CDT1: variants seen among roughly 807,000 people sequenced by gnomAD.
CDT1 encodes DNA replication factor Cdt1.
Under a neutral mutation model 49.3 loss-of-function variants are expected in CDT1, and 66 were observed. The ratio of observed to expected loss-of-function variants is 1.34; its 90% confidence interval spans 1.10 to 1.64. CDT1 has a LOEUF of 1.64. Among genes scored for constraint, CDT1 ranks in the 40% most tolerant of loss-of-function variants. The pLI is 0.00. For missense variants in CDT1, 958 were observed against 807.7 expected, an observed-to-expected ratio of 1.19 and a Z score of -2.26; for synonymous variants, 424 against 347.4, an observed-to-expected ratio of 1.22 and a Z score of -2.45.
Position 88,805,546 on chromosome 16 carries a change from A to G in CDT1, c.595A>G (p.Ser199Gly). Residue 199 changes from serine to glycine, a missense_variant, in exon 4 of 10, where the codon AGC becomes GGC. Coordinates refer to ENST00000301019, the MANE Select transcript of CDT1 (RefSeq NM_030928.4). The stretch of plus-strand genomic sequence containing the variant: ...CCAGGTGCTGGCGGAGATGTTCCGC[A>G]GCATGGACACCATCGTGGGCATGCT... ...KYQVLAEMFR[S>G]MDTIVGMLHN... is the part of the protein sequence containing the mutation. 6.2e-7 allele frequency: 1 copy of G among 1,612,904 alleles called. No individual in the cohort carries two copies. Among genetic ancestry groups the G allele is most frequent in the Non-Finnish European group, 8.5e-7 (1 of 1,179,958 alleles).
Position 88,808,286 on chromosome 16 carries a change from G to T in CDT1, c.*8G>T. ...GCTGAGGAGGGGCTGTGAGCCTGGG[G>T]GCCACTGTGGACAGACGTGGGCTTC... is the stretch of plus-strand genomic sequence containing the variant. On this transcript the variant is annotated 3_prime_UTR_variant, in exon 10 of 10. Transcript: ENST00000301019. 1 of 1,577,810 alleles carries T rather than the reference G, an allele frequency of 6.3e-7. No homozygotes were observed. The highest frequency in any genetic ancestry group is 8.6e-7 in the Non-Finnish European group (1 of 1,162,168).
rs200506462 is a variant in CDT1, at chr16:88,805,714, C to A, written c.687-10C>A. 1.2e-6 allele frequency: 2 copies of A among 1,612,862 alleles called. No individual in the cohort carries two copies. The highest frequency in any genetic ancestry group is 1.3e-5 in the African/African-American group (1 of 75,046). Reference sequence around the variant, plus strand: ...GGCCTGCCTCCTGAGCCGCCCCCATCCTCCCATAGGCGTTTTGAGGAGTGC... The same window carrying A: ...GGCCTGCCTCCTGAGCCGCCCCCATACTCCCATAGGCGTTTTGAGGAGTGC... On this transcript the variant is annotated splice_polypyrimidine_tract_variant and intron_variant, in intron 4 of 9. Coordinates refer to ENST00000301019, the MANE Select transcript of CDT1 (RefSeq NM_030928.4).
chr16:88,804,487 G>A (rs1441115607), intron 1 of CDT1, 58 bp from the exon 2 acceptor site: 32 of 1,588,822 alleles, frequency 2.0e-5, no homozygotes, highest in East Asian at 4.5e-5. Flanking sequence ...GGGGTCCTCT[G>A]CAGAGCCAGG....
At position 88,805,054 on chromosome 16, in the gene CDT1, C is replaced by G. The variant is rs149731379; in HGVS notation, c.488+156C>G. Among the ~76,000 whole-genome samples the G allele has an allele frequency of 4.3e-4, 65 of 152,366 alleles. 1 individual carries two copies. The East Asian group carries it at 9.1e-3, about 21-fold the overall frequency. On this transcript the variant is annotated intron_variant, in intron 3 of 9. Coordinates refer to ENST00000301019, the MANE Select transcript of CDT1 (RefSeq NM_030928.4). ...GACCCAGACCCCTGAGAAAAAGGTCCCGGGCACTGCTGGCGCTGTGCCCTC... is the reference window on the plus strand; with the variant it reads ...GACCCAGACCCCTGAGAAAAAGGTCGCGGGCACTGCTGGCGCTGTGCCCTC...
At position 88,804,511 on chromosome 16, in the gene CDT1, G is replaced by C. The variant is rs1005751693; in HGVS notation, c.229-34G>C. On this transcript the variant is annotated intron_variant, in intron 1 of 9. Transcript: ENST00000301019. ...TGCAGAGCCAGGAGCACCAGGTCTT[G>C]TCATGAGTTCACCCTTGGGGTCCCT... 4 of 1,606,382 alleles carry C rather than the reference G, an allele frequency of 2.5e-6. No homozygotes were observed. The African/African-American group carries it at 4.0e-5, about 16-fold the overall frequency.
At chr16:88,807,634 C>CAGAGCGCCCAG in intron 9 of CDT1, 152 bp downstream of exon 9, 2 of 815,674 alleles carry the variant, frequency 2.5e-6, no homozygotes, top group Non-Finnish European at 3.9e-6. Context: ...GTGTCCTGGG[C>CAGAGCGCCCAG]GCTCTGCCCT....
In CDT1 at chr16:88,807,006, C is replaced by A. The variant is rs74035836; in HGVS notation, c.1123-45C>A. On this transcript the variant is annotated intron_variant, in intron 7 of 9. Transcript: ENST00000301019. ...ACTCCTGGGCAGACAGCCAGGGGCACGTTGCATCTTGTGACCTCTCCAGTC... is the reference window on the plus strand; with the variant it reads ...ACTCCTGGGCAGACAGCCAGGGGCAAGTTGCATCTTGTGACCTCTCCAGTC... The A allele has an allele frequency of 7.8e-3, 12,499 of 1,611,466 alleles. 610 individuals are homozygous for A. The African/African-American group carries it at 0.12, about 16-fold the overall frequency.
At chr16:88,807,026 C>G in intron 7 of CDT1, 25 bp from the exon 8 acceptor site, 2 of 1,612,750 alleles carry the variant, frequency 1.2e-6, no homozygotes, top group Non-Finnish European at 1.7e-6. Context: ...TGTGACCTCT[C>G]CAGTCCAACC....
Position 88,804,822 on chromosome 16 carries a change from C to T in CDT1, c.412C>T (p.Arg138Trp), listed in dbSNP as rs149361322. ...QRARELGARV[R>W]ALKASAQDAG... The stretch of plus-strand genomic sequence containing the variant: ...GGCCCGGGAGCTGGGGGCAAGAGTC[C>T]GGGCGCTGAAGGCCAGTGCCCAGGA... Residue 138 changes from arginine (R) to tryptophan (W), a missense_variant, in exon 3 of 10, where the codon CGG (arginine) becomes TGG (tryptophan). By Grantham distance (101) the Arg-to-Trp change is moderately radical. Transcript: ENST00000301019. 425 of 1,612,344 alleles carry T rather than the reference C, an allele frequency of 2.6e-4. 1 individual carries two copies. The highest frequency in any genetic ancestry group is 9.9e-4 in the Middle Eastern group (6 of 6,084).
rs1908971791 is a variant in CDT1 at position 88,808,741 on chromosome 16, A to C, written c.*463A>C. 5.5e-6 allele frequency: 1 copy of C among 183,064 alleles called. No homozygotes were observed. The highest frequency in any genetic ancestry group is 1.2e-5 in the Non-Finnish European group (1 of 86,054). The allele number at this position is 183,064 out of a possible 1,614,324, so 11.3% of individuals were successfully genotyped here. A position where few individuals can be genotyped will look rare whatever the true frequency, so the allele number is the denominator to read the frequency against. On this transcript the variant is annotated 3_prime_UTR_variant, in exon 10 of 10. Coordinates refer to ENST00000301019, the MANE Select transcript of CDT1 (RefSeq NM_030928.4). ...GGTGGGTGTGGTGGCTCACGCCTGT[A>C]ACCCCAGCACTTTGGGAGGCCAAGG... is the stretch of plus-strand genomic sequence containing the variant.
intron 1 of CDT1, among the ~76,000 whole-genome samples, 154 bp from the exon 2 acceptor site, chr16:88,804,391 C>T (rs1908763848): frequency 6.6e-6 from 1 of 152,124 alleles, no homozygotes; most frequent in Non-Finnish European, 1.5e-5. Flanking sequence ...GTGTCCCCGG[C>T]CTTAGCACAG....
rs997956935 is a variant in CDT1 at position 88,807,343 on chromosome 16, G to A, written c.1338G>A (p.Gln446=). 1 of 1,612,588 alleles carries A rather than the reference G, an allele frequency of 6.2e-7. No homozygotes were observed. The part of the protein sequence containing the change: ...AQMTRCPEQE[Q]RLQRLERLPE... Reference sequence around the variant, plus strand: ...TGACGCGGTGCCCGGAGCAGGAGCAGCGGCTGCAGCGCTTAGAACGGCTGC... The same window carrying A: ...TGACGCGGTGCCCGGAGCAGGAGCAACGGCTGCAGCGCTTAGAACGGCTGC... The change falls in exon 9 of 10, where the codon CAG becomes CAA. Residue 446 remains glutamine, a synonymous_variant. Transcript: ENST00000301019.
chr16:88,807,542 C>G, intron 9 of CDT1, 60 bp downstream of exon 9: 1 of 1,486,620 alleles, frequency 6.7e-7, no homozygotes, highest in Non-Finnish European at 9.3e-7. Context: ...CTGCAGCTGC[C>G]TCCCCAGCTT....
chr16:88,804,855 G>A lies in CDT1; in HGVS notation c.445G>A (p.Glu149Lys). ...ALKASAQDAG[E>K]SCTPEAEGRP... The stretch of plus-strand genomic sequence containing the variant: ...GAAGGCCAGTGCCCAGGATGCTGGG[G>A]AGTCCTGCACCCCAGAGGCCGAGGG... The change falls in exon 3 of 10, where the codon GAG becomes AAG. Residue 149 changes from glutamate to lysine, a missense_variant. By Grantham distance (56) the Glu-to-Lys change is moderately conservative. Coordinates refer to ENST00000301019, the MANE Select transcript of CDT1 (RefSeq NM_030928.4). 2 of 1,609,344 alleles carry A rather than the reference G, an allele frequency of 1.2e-6. No homozygotes were observed. The highest frequency in any genetic ancestry group is 1.7e-6 in the Non-Finnish European group (2 of 1,178,790).
rs1197526229 is a variant in CDT1 at position 88,804,774 on chromosome 16, G to C, written c.364G>C (p.Glu122Gln). The change falls in exon 3 of 10, where the codon GAG becomes CAG. Residue 122 changes from glutamate to glutamine, a missense_variant. Glu to Gln is a conservative substitution (Grantham distance 29). Transcript: ENST00000301019. ...TSAQDQDTIS[E>Q]LASCLQRARE... ...GATCCCCCTGAAGGACACCATCTCT[G>C]AGCTTGCGTCATGCCTGCAACGGGC... The C allele has an allele frequency of 1.1e-5, 17 of 1,612,744 alleles. No homozygotes were observed. The highest frequency in any genetic ancestry group is 1.4e-5 in the Non-Finnish European group (16 of 1,179,906).
chr16:88,805,356 G>C, intron 3 of CDT1, 84 bp from the exon 4 acceptor site: 1 of 1,502,800 alleles, frequency 6.7e-7, no homozygotes, highest in Non-Finnish European at 9.1e-7. Flanking sequence ...CCCCATCGGA[G>C]GGTCTCCCTG....
chr16:88,804,102 G>T, intron 1 of CDT1, 43 bp downstream of exon 1: 1 of 1,274,136 alleles, frequency 7.8e-7, no homozygotes, highest in South Asian at 1.8e-5. Context: ...TTGGGGGCGG[G>T]GAGACTGAGG....
intron 7 of CDT1, 133 bp from the exon 8 acceptor site, chr16:88,806,918 T>C (rs893297943): frequency 9.3e-6 from 12 of 1,292,754 alleles, no homozygotes; most frequent in Non-Finnish European, 1.1e-5. Context: ...ACTGGGACAC[T>C]GCATTGACCG....
rs1459070807 is a variant in CDT1 at position 88,804,887 on chromosome 16, T to C, written c.477T>C (p.Pro159=). The C allele has an allele frequency of 1.9e-6, 3 of 1,575,468 alleles. No homozygotes were observed. Among genetic ancestry groups the C allele is most frequent in the South Asian group, 1.1e-5 (1 of 87,616 alleles). Residue 159 remains proline, a synonymous_variant, in exon 3 of 10, where the codon CCT becomes CCC. Transcript: ENST00000301019. Reference sequence around the variant, plus strand: ...GCACCCCAGAGGCCGAGGGCCGCCCTGAGGAGCCATGGTGAGTGCTGGGTG... The same window carrying C: ...GCACCCCAGAGGCCGAGGGCCGCCCCGAGGAGCCATGGTGAGTGCTGGGTG... ...ESCTPEAEGR[P]EEPCGEKAPA... is the part of the protein sequence containing the mutation.
Sources: allele counts gnomAD v4.1 joint callset (sites outside exome capture counted in the v4.1 genomes callset), GRCh38; gene constraint gnomAD v4.1.1; transcripts MANE v1.5; gene names NCBI Gene and HGNC (gene_info 2026-07-23, HGNC 2026-07-21).